The following RTN4 variants were observed in gnomAD, a reference collection of about 807,000 sequenced individuals.
RTN4 encodes the protein reticulon-4.
RTN4 carries 32 observed loss-of-function variants against 90.4 expected under a neutral mutation model. That is an observed-to-expected ratio of 0.35 (90% confidence interval 0.27 to 0.48). The LOEUF is 0.48. Among genes scored for constraint, RTN4 ranks in the 20% least tolerant of loss-of-function variants. The pLI, the probability that RTN4 is intolerant of heterozygous loss-of-function variation, is 0.99. For missense variants in RTN4, 1,706 were observed against 1,430.2 expected (o/e 1.19, Z -3.11); for synonymous variants, 629 against 552.5 (o/e 1.14, Z -1.94).
At chr2:55,051,878 C>G (rs557646602), upstream of RTN4, among the ~76,000 whole-genome samples, 1 of 152,214 alleles carries the variant, frequency 6.6e-6, no homozygotes, top group East Asian at 1.9e-4. Flanking sequence ...CCTTTTAAAG[C>G]AGCTTCTAGA....
At chr2:54,995,584 C>T (rs973429936) in intron 3 of RTN4, among the ~76,000 whole-genome samples, 7 of 151,942 alleles carry the variant, frequency 4.6e-5, no homozygotes, top group Non-Finnish European at 8.8e-5. Flanking sequence ...TTCATTCATT[C>T]GTTCATTCAT....
intron 2 of RTN4, among the ~76,000 whole-genome samples, chr2:55,062,949 T>C (rs1668327004): frequency 6.6e-6 from 1 of 152,194 alleles, no homozygotes; most frequent in South Asian, 2.1e-4. Context: ...ACAAGCATGA[T>C]GGCTGGAACT....
chr2:55,042,795 T>C (rs1683164711), intron 1 of RTN4, among the ~76,000 whole-genome samples: 1 of 152,160 alleles, frequency 6.6e-6, no homozygotes, highest in African/African-American at 2.4e-5. Context: ...GGCACTGCAA[T>C]GCAGACACAA....
chr2:55,016,784 T>C (rs1045246955), intron 3 of RTN4, among the ~76,000 whole-genome samples: 6 of 152,204 alleles, frequency 3.9e-5, no homozygotes, highest in African/African-American at 7.2e-5. Flanking sequence ...ACTTCACTGA[T>C]AGTTATCAAG....
At chr2:54,996,190 G>A (rs1278766207) in intron 3 of RTN4, among the ~76,000 whole-genome samples, 1 of 152,040 alleles carries the variant, frequency 6.6e-6, no homozygotes, top group African/African-American at 2.4e-5. Context: ...ACACACTGTC[G>A]AAAGAAATTA....
chr2:55,101,366 T>C (rs1459039629), intron 1 of RTN4, among the ~76,000 whole-genome samples: 2 of 152,124 alleles, frequency 1.3e-5, no homozygotes, highest in South Asian at 2.1e-4. Flanking sequence ...ACATTATCCA[T>C]TGTAATAATA....
chr2:55,034,452 T>C (rs866338064), intron 1 of RTN4, among the ~76,000 whole-genome samples: 2 of 152,148 alleles, frequency 1.3e-5, no homozygotes, highest in South Asian at 4.1e-4. Flanking sequence ...CAGTGGGTTA[T>C]GATCAGGCCA....
At chr2:55,058,370 A>G (rs1332556645) in intron 2 of RTN4, among the ~76,000 whole-genome samples, 1 of 152,218 alleles carries the variant, frequency 6.6e-6, no homozygotes, top group African/African-American at 2.4e-5. Context: ...GTTTCTCTTC[A>G]GCCATGAACA....
rs1681825937 is a variant in RTN4 at position 55,025,935 on chromosome 2, C to A, written c.2164G>T (p.Ala722Ser). The change falls in exon 3 of 9, where the codon GCA becomes TCA. Residue 722 changes from alanine (A) to serine (S), a missense_variant. Coordinates refer to ENST00000337526, the MANE Select transcript of RTN4 (RefSeq NM_020532.5). ...TCAGGCACTGGCTGTTCAACTTTTG[C>A]CATTTCTGAATAATCAGAGAAATCC... ...APDFSDYSEM[A>S]KVEQPVPDHS... 6.2e-7 allele frequency: 1 copy of A among 1,612,604 alleles called. No individual in the cohort carries two copies. The highest frequency in any genetic ancestry group is 1.3e-5 in the African/African-American group (1 of 74,968).
At chr2:55,000,346 T>TA (rs141624146) in intron 3 of RTN4, among the ~76,000 whole-genome samples, 2,667 of 152,282 alleles carry the variant, frequency 0.018, 78 homozygotes, top group African/African-American at 0.06. Flanking sequence ...TTTAAACAGA[T>TA]ACGTGCAAAA....
In RTN4 at chr2:55,050,038, G is replaced by C; in HGVS notation, c.263C>G (p.Pro88Arg). 1 of 1,403,364 alleles carries C rather than the reference G, an allele frequency of 7.1e-7. No homozygotes were observed. Among genetic ancestry groups the C allele is most frequent in the Non-Finnish European group, 9.2e-7 (1 of 1,085,756 alleles). The allele number at this position is 1,403,364 out of a possible 1,614,324, so 86.9% of individuals were successfully genotyped here. ...LMDFGNDFVP[P>R]APRGPLPAAP... ...GGCCGGCAGGGGTCCCCGGGGCGCC[G>C]GCGGCACGAAGTCATTTCCGAAGTC... The change falls in exon 1 of 9, where the codon CCG becomes CGG. Residue 88 changes from proline (P) to arginine (R), a missense_variant. Physicochemically the swap from Pro to Arg is moderately radical, Grantham distance 103. Coordinates refer to ENST00000337526, the MANE Select transcript of RTN4 (RefSeq NM_020532.5). The surrounding 1 kb of genome is among the most constrained non-coding windows in gnomAD (Gnocchi z 4.6).
intron 1 of RTN4, 76 bp downstream of exon 1, chr2:55,049,669 C>A (rs1389042753): frequency 1.3e-6 from 2 of 1,522,692 alleles, no homozygotes; most frequent in African/African-American, 2.8e-5. Flanking sequence ...AGGGACCAGC[C>A]CAAAGCATCT....
intron 2 of RTN4, among the ~76,000 whole-genome samples, chr2:55,070,545 CA>C (rs747838297): frequency 0.17 from 11,299 of 67,196 alleles, 541 homozygotes; most frequent in African/African-American, 0.34. Context: ...GACTCTGTCT[CA>C]AAAAAAAAAA....
intron 1 of RTN4, chr2:55,049,451 G>C (rs1243994153): frequency 3.1e-5 from 14 of 458,642 alleles, no homozygotes; most frequent in African/African-American, 2.9e-4. Context: ...CTACGGGTGG[G>C]TGCCTAACTT....
At position 55,081,782 on chromosome 2, in the gene RTN4, G is replaced by A. The variant is rs1047017708; in HGVS notation, c.-213-1143C>T. On this transcript the variant is annotated intron_variant, in intron 1 of 3. Coordinates refer to the RTN4 transcript ENST00000427710. ...GGAGGCTGAGGCTGGAGAATCACTCGAGCCTGGCAGGTGCAGGTTGCATTG... is the reference window on the plus strand; with the variant it reads ...GGAGGCTGAGGCTGGAGAATCACTCAAGCCTGGCAGGTGCAGGTTGCATTG... Among the ~76,000 whole-genome samples the A allele has an allele frequency of 4.0e-5, 6 of 148,324 alleles. No homozygotes were observed. In the East Asian group the frequency reaches 1.0e-3, roughly 25 times the overall value.
chr2:55,093,776 C>A (rs1300496052), intron 1 of RTN4, among the ~76,000 whole-genome samples: 1 of 152,122 alleles, frequency 6.6e-6, no homozygotes, highest in Non-Finnish European at 1.5e-5. Flanking sequence ...AGTCTGAGGG[C>A]CCCTTAACTA....
At chr2:55,055,653 C>T (rs1475826196), upstream of RTN4, among the ~76,000 whole-genome samples, 1 of 151,874 alleles carries the variant, frequency 6.6e-6, no homozygotes, top group African/African-American at 2.4e-5. Flanking sequence ...GCCTGTAGTC[C>T]CAGCTACTCG....
chr2:54,972,580 T>TCTAAG lies in RTN4; in HGVS notation c.*571_*575dup, dbSNP rs1677151251. ...CTGTGGGGTGGCTGGAAGGTAAAGG[T>TCTAAG]CTAAGCTTTGTGAAACACTATACAT... On this transcript the variant is annotated 3_prime_UTR_variant, in exon 9 of 9. Transcript: ENST00000337526. 1 of 152,640 alleles carries TCTAAG rather than the reference T, an allele frequency of 6.6e-6. No homozygotes were observed. The highest frequency in any genetic ancestry group is 2.4e-5 in the African/African-American group (1 of 41,446). The allele number at this position is 152,640 out of a possible 1,614,324, so 9.5% of individuals were successfully genotyped here.
intron 1 of RTN4, among the ~76,000 whole-genome samples, chr2:55,083,389 G>A (rs1668758522): frequency 6.6e-6 from 1 of 152,096 alleles, no homozygotes; most frequent in Non-Finnish European, 1.5e-5. Flanking sequence ...CCAGGTACTT[G>A]GGCAGCTGAG....
Sources: allele counts gnomAD v4.1 joint callset (sites outside exome capture counted in the v4.1 genomes callset), GRCh38; gene constraint gnomAD v4.1.1; non-coding constraint Gnocchi (gnomAD v3.1); transcripts MANE v1.5; gene names NCBI Gene and HGNC (gene_info 2026-07-23, HGNC 2026-07-21).